The following CACNA1E variants were observed in gnomAD, a reference collection of about 807,000 sequenced individuals.
CACNA1E encodes the protein voltage-dependent R-type calcium channel subunit alpha-1E.
In CACNA1E, 40 loss-of-function variants were observed where a neutral mutation model predicts 259.2. That is an observed-to-expected ratio of 0.15 (90% CI 0.12 to 0.20). CACNA1E has a LOEUF of 0.20. CACNA1E is among the 10% of genes least tolerant of loss of function. The pLI, the probability that CACNA1E is intolerant of heterozygous loss-of-function variation, is 1.00. For synonymous variants in CACNA1E, 1,104 were observed against 1,138.5 expected (o/e 0.97, Z 0.61); for missense variants, 1,874 against 3,040.1 (o/e 0.62, Z 9.02).
chr1:181,384,650 T>C (rs897035295), intron 1 of CACNA1E, among the ~76,000 whole-genome samples: 1 of 152,158 alleles, frequency 6.6e-6, no homozygotes, highest in African/African-American at 2.4e-5. Context: ...ATATCTGCTC[T>C]CTCTCTGCAC....
At chr1:181,757,876 C>A in intron 30 of CACNA1E, 71 bp from the exon 31 acceptor site, 2 of 1,527,062 alleles carry the variant, frequency 1.3e-6, no homozygotes, top group Admixed American at 1.7e-5. Context: ...CTCTTCTGAG[C>A]ATGGAACAGA....
intron 3 of CACNA1E, among the ~76,000 whole-genome samples, chr1:181,537,038 A>G (rs1668219692): frequency 6.6e-6 from 1 of 150,680 alleles, no homozygotes; most frequent in South Asian, 2.1e-4. Context: ...ACATGCCTAC[A>G]TTTAGAGTGG....
At chr1:181,363,273 C>T (rs749120498) in intron 1 of CACNA1E, among the ~76,000 whole-genome samples, 4 of 152,126 alleles carry the variant, frequency 2.6e-5, no homozygotes, top group Non-Finnish European at 4.4e-5. Flanking sequence ...GAAACAAACC[C>T]GCTTGTGAAT....
chr1:181,322,253 A>T (rs1224177812), intron 1 of CACNA1E, among the ~76,000 whole-genome samples: 1 of 152,098 alleles, frequency 6.6e-6, no homozygotes, highest in Non-Finnish European at 1.5e-5. Context: ...ACTAACAACC[A>T]TCTACAATAT....
chr1:181,783,534 G>C, intron 39 of CACNA1E, 145 bp from the exon 40 acceptor site: 1 of 557,926 alleles, frequency 1.8e-6, no homozygotes, highest in East Asian at 2.8e-5. Flanking sequence ...GAAGCAGGGA[G>C]AGAAGGACTG....
chr1:181,709,942 G>A (rs745572218), intron 7 of CACNA1E, among the ~76,000 whole-genome samples: 6 of 152,168 alleles, frequency 3.9e-5, no homozygotes, highest in Admixed American at 6.5e-5. Flanking sequence ...TGCTAGAGGT[G>A]GCTTCTGGAG....
intron 6 of CACNA1E, among the ~76,000 whole-genome samples, chr1:181,642,530 C>G (rs932814926): frequency 2.6e-5 from 4 of 152,190 alleles, no homozygotes; most frequent in Non-Finnish European, 5.9e-5. Context: ...CTCCTGTACT[C>G]TTTTGCGTTT....
intron 7 of CACNA1E, among the ~76,000 whole-genome samples, chr1:181,693,802 TAAAG>T (rs899813103): frequency 4.6e-5 from 7 of 152,066 alleles, no homozygotes; most frequent in African/African-American, 1.2e-4. Context: ...AAAGTTGAAA[TAAAG>T]AAAATTACCA....
chr1:181,326,503 G>A (rs1320571277), intron 1 of CACNA1E, among the ~76,000 whole-genome samples: 2 of 152,096 alleles, frequency 1.3e-5, no homozygotes, highest in Admixed American at 1.3e-4. Flanking sequence ...TTTCTCCTGT[G>A]GTTAGCTCTG....
intron 2 of CACNA1E, among the ~76,000 whole-genome samples, chr1:181,444,856 T>C (rs1660707115): frequency 6.6e-6 from 1 of 152,144 alleles, no homozygotes; most frequent in Non-Finnish European, 1.5e-5. Context: ...CTTACTCTGC[T>C]TGGAGTCCCC....
At chr1:181,374,967 G>A (rs1417832643) in intron 1 of CACNA1E, among the ~76,000 whole-genome samples, 1 of 152,016 alleles carries the variant, frequency 6.6e-6, no homozygotes, top group African/African-American at 2.4e-5. Context: ...AAATATAAAA[G>A]ATACAAAAGG....
chr1:181,360,781 A>G (rs1309469174), intron 1 of CACNA1E, among the ~76,000 whole-genome samples: 1 of 152,224 alleles, frequency 6.6e-6, no homozygotes, highest in East Asian at 1.9e-4. Flanking sequence ...AAACCCTCAC[A>G]ATCTTCTGGA....
chr1:181,732,764 A>C lies in CACNA1E; in HGVS notation c.2678A>C (p.Asp893Ala). 1 of 1,575,062 alleles carries C rather than the reference A, an allele frequency of 6.3e-7. No homozygotes were observed. The highest frequency in any genetic ancestry group is 1.2e-5 in the South Asian group (1 of 82,962). ...GCCAGGCCCTGTCATGGAAACTGTG[A>C]CCCGACTCAGCAGGAGGCAGGGGGA... ...WLARPCHGNC[D>A]PTQQEAGGGE... The change falls in exon 20 of 48, where the codon GAC (aspartate) becomes GCC (alanine). Residue 893 changes from aspartate to alanine, a missense_variant. Coordinates refer to ENST00000367573, the MANE Select transcript of CACNA1E (RefSeq NM_001205293.3). The surrounding 1 kb of genome is among the most constrained non-coding windows in gnomAD (Gnocchi z 5.5).
At chr1:181,583,556 T>C (rs1270152842) in intron 6 of CACNA1E, among the ~76,000 whole-genome samples, 1 of 152,242 alleles carries the variant, frequency 6.6e-6, no homozygotes, top group South Asian at 2.1e-4. Flanking sequence ...TTTAACCTTT[T>C]TATATGCAAT....
At chr1:181,323,325 G>A (rs565288611) in intron 1 of CACNA1E, among the ~76,000 whole-genome samples, 26 of 152,198 alleles carry the variant, frequency 1.7e-4, no homozygotes, top group South Asian at 1.2e-3. Flanking sequence ...ATTCTCTGAC[G>A]CTGGCATAGT....
In CACNA1E at chr1:181,495,065, A is replaced by G. The variant is rs189257657; in HGVS notation, c.266+11055A>G. 9.8e-4 allele frequency among the ~76,000 whole-genome samples: 149 copies of G among 152,368 alleles called. 1 individual carries two copies. Among genetic ancestry groups the G allele is most frequent in the Admixed American group, 2.4e-3 (36 of 15,304 alleles). On this transcript the variant is annotated intron_variant, in intron 1 of 47. Transcript: ENST00000367573. ...TTCATGTCTATTTTAAGCAGGAGGT[A>G]GCATCTTGGTTTCTCCAAAGTCCAC...
upstream of CACNA1E, among the ~76,000 whole-genome samples, chr1:181,481,277 G>A (rs1042505437): frequency 6.6e-6 from 1 of 151,992 alleles, no homozygotes; most frequent in Non-Finnish European, 1.5e-5. Context: ...CCTTCCCCAA[G>A]GGCAGCAGGC....
At chr1:181,349,435 A>G (rs1652861126) in intron 1 of CACNA1E, among the ~76,000 whole-genome samples, 1 of 152,222 alleles carries the variant, frequency 6.6e-6, no homozygotes, top group Non-Finnish European at 1.5e-5. Flanking sequence ...TTCAGGGCTA[A>G]ATTGTGTTCT....
chr1:181,504,492 T>C (rs1665541198), intron 1 of CACNA1E, among the ~76,000 whole-genome samples: 1 of 152,162 alleles, frequency 6.6e-6, no homozygotes, highest in Non-Finnish European at 1.5e-5. Flanking sequence ...GTGATAGAGA[T>C]GCATGTTTGC....
Sources: allele counts gnomAD v4.1 joint callset (sites outside exome capture counted in the v4.1 genomes callset), GRCh38; gene constraint gnomAD v4.1.1; non-coding constraint Gnocchi (gnomAD v3.1); transcripts MANE v1.5; gene names NCBI Gene and HGNC (gene_info 2026-07-23, HGNC 2026-07-21).